PACRGL: variants seen among roughly 807,000 people sequenced by gnomAD.
PACRGL encodes PACRG-like protein.
A neutral mutation model predicts 34.5 loss-of-function variants in PACRGL; 38 were observed. The observed-to-expected ratio is 1.10, with a 90% CI of 0.85 to 1.44. The LOEUF is 1.44. Among genes scored for constraint, PACRGL ranks in the 40% most tolerant of loss-of-function variants. PACRGL has a pLI of 0.00. For synonymous variants in PACRGL, 128 were observed against 100.1 expected, an observed-to-expected ratio of 1.28 and a Z score of -1.66; for missense variants, 305 against 281.4, an observed-to-expected ratio of 1.08 and a Z score of -0.60.
At chr4:20,750,337 G>A (rs1753378430) in intron 8 of PACRGL, among the ~76,000 whole-genome samples, 1 of 152,070 alleles carries the variant, frequency 6.6e-6, no homozygotes, top group Non-Finnish European at 1.5e-5. Flanking sequence ...CAGTAAAGTT[G>A]GCTGATGGAT....
At chr4:20,743,931 A>C (rs939777475) in intron 8 of PACRGL, among the ~76,000 whole-genome samples, 12 of 150,128 alleles carry the variant, frequency 8.0e-5, no homozygotes, top group Non-Finnish European at 1.2e-4. Context: ...AAAAAAAAAA[A>C]CCCTTCAAAA....
At chr4:20,718,395 C>T (rs1275970918) in intron 7 of PACRGL, among the ~76,000 whole-genome samples, 1 of 152,158 alleles carries the variant, frequency 6.6e-6, no homozygotes, top group Non-Finnish European at 1.5e-5. Context: ...GAGAGGGCAT[C>T]CCTGTCTTGT....
At chr4:20,735,541 T>G (rs1383827422), downstream of PACRGL, among the ~76,000 whole-genome samples, 2 of 147,410 alleles carry the variant, frequency 1.4e-5, no homozygotes, top group African/African-American at 2.5e-5. Flanking sequence ...TTTTTTTTTT[T>G]TTTTTTGAGA....
At chr4:20,752,351 G>A (rs114107117) in intron 8 of PACRGL, among the ~76,000 whole-genome samples, 3,243 of 152,214 alleles carry the variant, frequency 0.021, 107 homozygotes, top group Admixed American at 0.093. Context: ...GAGCCACCAT[G>A]CCCAGCCTTC....
chr4:20,734,594 C>A, downstream of PACRGL: 1 of 974,386 alleles, frequency 1.0e-6, no homozygotes, highest in Non-Finnish European at 1.5e-6. Context: ...GAAAATGGTC[C>A]AAATTACTGT....
At position 20,713,466 on chromosome 4, in the gene PACRGL, T is replaced by C. The variant is rs1169194094; in HGVS notation, c.536T>C (p.Leu179Ser). ...HSDDEVFERG[L>S]NALVQLSVVV... ...GATGATGAAGTGTTTGAAAGAGGAT[T>C]GAATGCTCTAGTTCAGCTAAGTGTC... Residue 179 changes from leucine (L) to serine (S), a missense_variant, in exon 7 of 9, where the codon TTG becomes TCG. Coordinates refer to ENST00000503585, the MANE Select transcript of PACRGL (RefSeq NM_001258345.3). 1.9e-6 allele frequency: 3 copies of C among 1,613,752 alleles called. No homozygotes were observed. In the South Asian group the frequency reaches 3.3e-5, roughly 18 times the overall value.
chr4:20,761,623 A>T, the PACRGL span, among the ~76,000 whole-genome samples: 1 of 152,168 alleles, frequency 6.6e-6, no homozygotes, highest in African/African-American at 2.4e-5. Context: ...TGGGAGTTAA[A>T]AGTTGATGCT....
chr4:20,723,803 C>T (rs912802305), intron 7 of PACRGL, among the ~76,000 whole-genome samples: 3 of 152,108 alleles, frequency 2.0e-5, no homozygotes, highest in Non-Finnish European at 4.4e-5. Flanking sequence ...AGACACCACC[C>T]TGACCATCAG....
chr4:20,753,591 C>A (rs1453354638), downstream of PACRGL, among the ~76,000 whole-genome samples: 3 of 152,108 alleles, frequency 2.0e-5, no homozygotes, highest in African/African-American at 7.2e-5. Flanking sequence ...TTCCCACACC[C>A]CTACTCCCAT....
Position 20,702,005 on chromosome 4 carries a change from A to G in PACRGL, c.-17+1218A>G, listed in dbSNP as rs767308374. ...CTGTATGTTTAATGCTGAAAATTAT[A>G]TATTGTACATAAAAGTTGTCCTGTA... On this transcript the variant is annotated intron_variant, in intron 1 of 8. Transcript: ENST00000503585. 128 of 444,356 alleles carry G rather than the reference A, an allele frequency of 2.9e-4. 1 individual carries two copies. Among genetic ancestry groups the G allele is most frequent in the Admixed American group, 1.3e-3 (55 of 41,440 alleles). 27.5% of individuals were successfully genotyped at this position (444,356 alleles called of 1,614,324 possible). A position where few individuals can be genotyped will look rare whatever the true frequency, so the allele number is the denominator to read the frequency against.
At chr4:20,716,270 G>A (rs1376637617) in intron 7 of PACRGL, 2 of 657,584 alleles carry the variant, frequency 3.0e-6, no homozygotes, top group Non-Finnish European at 5.3e-6. Context: ...ATAGGGCAGG[G>A]TCCATGAGAG....
At chr4:20,763,313 C>T in the PACRGL span, among the ~76,000 whole-genome samples, 785 of 152,238 alleles carry the variant, frequency 5.2e-3, 6 homozygotes, top group African/African-American at 0.018. Context: ...TTAAAAACCA[C>T]GTAGTATATT....
At chr4:20,737,343 C>T (rs1428498075), downstream of PACRGL, among the ~76,000 whole-genome samples, 1 of 152,032 alleles carries the variant, frequency 6.6e-6, no homozygotes. Context: ...ATGGAGGTCA[C>T]CAGCAAGTGA....
chr4:20,704,168 A>G (rs1038400225), intron 1 of PACRGL, among the ~76,000 whole-genome samples: 2 of 152,224 alleles, frequency 1.3e-5, no homozygotes, highest in Non-Finnish European at 2.9e-5. Flanking sequence ...TGTGTTTTCT[A>G]ATGTGGTCAG....
At chr4:20,724,004 C>T (rs534908171) in intron 7 of PACRGL, among the ~76,000 whole-genome samples, 1 of 152,068 alleles carries the variant, frequency 6.6e-6, no homozygotes, top group Non-Finnish European at 1.5e-5. Flanking sequence ...TTATAGACTT[C>T]TACATTAGAA....
intron 6 of PACRGL, 80 bp downstream of exon 6, chr4:20,713,002 G>A: frequency 1.5e-6 from 2 of 1,333,562 alleles, no homozygotes; most frequent in African/African-American, 3.0e-5. Context: ...AATATTGTAT[G>A]CCTTTTTCCC....
At chr4:20,707,922 A>T in intron 4 of PACRGL, 52 bp downstream of exon 4, 1 of 1,274,152 alleles carries the variant, frequency 7.8e-7, no homozygotes. Context: ...TCATTGAGTA[A>T]AATGAATACA....
In PACRGL at chr4:20,707,832, A is replaced by G; in HGVS notation, c.237A>G (p.Ala79=). Residue 79 remains alanine (A), a synonymous_variant, in exon 4 of 9, where the codon GCA becomes GCG. Coordinates refer to ENST00000503585, the MANE Select transcript of PACRGL (RefSeq NM_001258345.3). ...GTGAACAGTCACGAGTGCCTTCTGCATTTGCAGCTATTTACTCTAAAGGAG... is the reference window on the plus strand; with the variant it reads ...GTGAACAGTCACGAGTGCCTTCTGCGTTTGCAGCTATTTACTCTAAAGGAG... ...PFGEQSRVPS[A]FAAIYSKGGI... 6.2e-7 allele frequency: 1 copy of G among 1,613,906 alleles called. No homozygotes were observed. Among genetic ancestry groups the G allele is most frequent in the Non-Finnish European group, 8.5e-7 (1 of 1,179,806 alleles).
intron 7 of PACRGL, among the ~76,000 whole-genome samples, chr4:20,722,266 C>G (rs184721272): frequency 6.6e-6 from 1 of 152,242 alleles, no homozygotes; most frequent in Non-Finnish European, 1.5e-5. Context: ...TGATCCCTTG[C>G]GCTTCCCGGG....
Sources: allele counts gnomAD v4.1 joint callset (sites outside exome capture counted in the v4.1 genomes callset), GRCh38; gene constraint gnomAD v4.1.1; transcripts MANE v1.5; gene names NCBI Gene and HGNC (gene_info 2026-07-23, HGNC 2026-07-21).